The following ELAPOR1 variants were observed in gnomAD, a reference collection of about 807,000 sequenced individuals.
ELAPOR1 encodes endosome/lysosome-associated apoptosis and autophagy regulator 1.
A neutral mutation model predicts 119.7 loss-of-function variants in ELAPOR1; 77 were observed. That is an observed-to-expected ratio of 0.64 (90% confidence interval 0.54 to 0.78). The LOEUF (loss-of-function observed/expected upper bound fraction) is 0.78, where lower values mean the gene tolerates loss of function less well. Among genes scored for constraint, ELAPOR1 ranks in the 30% least tolerant of loss-of-function variants. The pLI is 0.00. For missense variants in ELAPOR1, 1,115 were observed against 1,270.4 expected (o/e 0.88, Z 1.86); for synonymous variants, 481 against 487.2 (o/e 0.99, Z 0.17).
intron 7 of ELAPOR1, among the ~76,000 whole-genome samples, chr1:109,177,281 ACGC>A (rs1652382131): frequency 7.1e-6 from 1 of 141,640 alleles, no homozygotes; most frequent in Non-Finnish European, 1.5e-5. Flanking sequence ...CCGGGCAGAG[ACGC>A]TCCTCACTTC....
At chr1:109,127,588 G>C (rs1648871797) in intron 1 of ELAPOR1, among the ~76,000 whole-genome samples, 1 of 151,662 alleles carries the variant, frequency 6.6e-6, no homozygotes. Context: ...ATTTTTTTGA[G>C]ACAGCGTCCT....
At chr1:109,196,757 A>G (rs1226256980) in intron 15 of ELAPOR1, among the ~76,000 whole-genome samples, 1 of 150,756 alleles carries the variant, frequency 6.6e-6, no homozygotes, top group East Asian at 1.9e-4. Flanking sequence ...ATCTCTGCTC[A>G]CTGCAACCTC....
At chr1:109,144,053 ATT>A (rs869275387) in intron 1 of ELAPOR1, among the ~76,000 whole-genome samples, 44,981 of 88,992 alleles carry the variant, frequency 0.51, 11,262 homozygotes, top group South Asian at 0.58. Context: ...ATATATATAT[ATT>A]TATATATTTT....
At chr1:109,121,170 G>C (rs1648389645) in intron 1 of ELAPOR1, among the ~76,000 whole-genome samples, 1 of 152,006 alleles carries the variant, frequency 6.6e-6, no homozygotes, top group East Asian at 1.9e-4. Flanking sequence ...TTTTGAGATG[G>C]AGTTTCCTTC....
In ELAPOR1 at chr1:109,114,298, AC is replaced by A. The variant is rs1326163043; in HGVS notation, c.118del (p.Gln40ArgfsTer64). ...LLWAGTAFQV[T>X]QGTGPELHAC... ...CTGGGCTGGGACCGCCTTCCAGGTG[AC>A]CCAGGGAACGGGACCGGAGCTTCAT... On this transcript the variant is annotated frameshift_variant, in exon 1 of 22. Coordinates refer to ENST00000369939, the MANE Select transcript of ELAPOR1 (RefSeq NM_020775.5). LOFTEE classifies it high-confidence loss of function. 1 of 1,600,770 alleles carries A rather than the reference AC, an allele frequency of 6.2e-7. No individual in the cohort carries two copies. Among genetic ancestry groups the A allele is most frequent in the East Asian group, 2.3e-5 (1 of 44,340 alleles).
chr1:109,144,932 C>A (rs771491744), intron 1 of ELAPOR1, among the ~76,000 whole-genome samples: 2 of 152,016 alleles, frequency 1.3e-5, no homozygotes, highest in Non-Finnish European at 2.9e-5. Flanking sequence ...TAAACAAAAC[C>A]AAACATATAT....
At chr1:109,158,780 T>C (rs568709440) in intron 1 of ELAPOR1, among the ~76,000 whole-genome samples, 42 of 152,144 alleles carry the variant, frequency 2.8e-4, no homozygotes, top group African/African-American at 8.9e-4. Flanking sequence ...GTAAACTGAG[T>C]AACAGATCAC....
chr1:109,187,943 C>G (rs1653157274), intron 8 of ELAPOR1: 2 of 1,280,754 alleles, frequency 1.6e-6, no homozygotes, highest in Non-Finnish European at 2.0e-6. Flanking sequence ...AGAGCTATTC[C>G]TTGTCACCCA....
chr1:109,116,491 C>G (rs541603690), intron 1 of ELAPOR1, among the ~76,000 whole-genome samples: 2 of 152,302 alleles, frequency 1.3e-5, no homozygotes, highest in South Asian at 4.1e-4. Context: ...CAGGCGTCAG[C>G]AAGTCCTGTT....
intron 1 of ELAPOR1, among the ~76,000 whole-genome samples, chr1:109,154,600 T>C (rs1650753641): frequency 6.6e-6 from 1 of 152,330 alleles, no homozygotes; most frequent in South Asian, 2.1e-4. Context: ...TGAGGGGCTT[T>C]CCAGACAGTC....
intron 1 of ELAPOR1, among the ~76,000 whole-genome samples, chr1:109,127,855 C>T (rs1648890045): frequency 6.6e-6 from 1 of 151,384 alleles, no homozygotes; most frequent in South Asian, 2.1e-4. Context: ...TGAGCCACTG[C>T]ACCCGGCCTG....
intron 21 of ELAPOR1, among the ~76,000 whole-genome samples, chr1:109,202,445 A>T (rs562977419): frequency 1.1e-4 from 16 of 145,638 alleles, no homozygotes; most frequent in African/African-American, 3.8e-4. Context: ...AAAGAAAAAA[A>T]TTTTTTTTTT....
At chr1:109,144,061 A>AAT (rs1650015998) in intron 1 of ELAPOR1, among the ~76,000 whole-genome samples, 1 of 89,018 alleles carries the variant, frequency 1.1e-5, no homozygotes, top group Admixed American at 1.3e-4. Context: ...ATATTTATAT[A>AAT]TTTTTTTTTT....
intron 1 of ELAPOR1, among the ~76,000 whole-genome samples, chr1:109,143,438 T>G (rs1030322449): frequency 1.3e-5 from 2 of 152,192 alleles, no homozygotes; most frequent in Non-Finnish European, 2.9e-5. Flanking sequence ...GATTCGTGGT[T>G]GCCAGGAGCT....
chr1:109,144,061 A>ATATATTTTTTTTTTTTTT lies in ELAPOR1; in HGVS notation c.154-17832_154-17831insATATTTTTTTTTTTTTTT. 6.0e-4 allele frequency among the ~76,000 whole-genome samples: 53 copies of ATATATTTTTTTTTTTTTT among 88,980 alleles called. 2 individuals are homozygous for ATATATTTTTTTTTTTTTT. The highest frequency in any genetic ancestry group is 9.5e-4 in the Non-Finnish European group (45 of 47,396). 58.4% of individuals were successfully genotyped at this position (88,980 alleles called of 152,430 possible). On this transcript the variant is annotated intron_variant, in intron 1 of 21. Transcript: ENST00000369939. ...TATATATATATATATATATTTATAT[A>ATATATTTTTTTTTTTTTT]TTTTTTTTTTTTTTTGAGATGGAGT...
Position 109,192,631 on chromosome 1 carries a change from C to T in ELAPOR1, c.1704C>T (p.Asp568=), listed in dbSNP as rs142141161. The T allele has an allele frequency of 1.2e-5, 19 of 1,613,942 alleles. No homozygotes were observed. The highest frequency in any genetic ancestry group is 1.4e-5 in the Non-Finnish European group (16 of 1,180,000). ...TCCAGAGCAGGAAGTACACCAATGA[C>T]GTTGCCAAGATCTACTCCATCAATG... The part of the protein sequence containing the change: ...FHEASRKYTN[D]VAKIYSINVT... The change falls in exon 14 of 22, where the codon GAC becomes GAT. Residue 568 remains aspartate (D), a synonymous_variant. Transcript: ENST00000369939.
Position 109,135,073 on chromosome 1 carries a change from AC to A in ELAPOR1, c.153+20738del, listed in dbSNP as rs1236171771. ...AAAATAATGACCAAGCTAATCTTTA[AC>A]TCCACACCTACTCTTGCCTTTTCCC... On this transcript the variant is annotated intron_variant, in intron 1 of 21. Transcript: ENST00000369939. 4.6e-5 allele frequency among the ~76,000 whole-genome samples: 7 copies of A among 152,052 alleles called. No homozygotes were observed. In the East Asian group the frequency reaches 1.4e-3, roughly 29 times the overall value.
chr1:109,123,148 A>T (rs1648551984), intron 1 of ELAPOR1, among the ~76,000 whole-genome samples: 1 of 152,180 alleles, frequency 6.6e-6, no homozygotes, highest in Admixed American at 6.5e-5. Flanking sequence ...CTTCACCCAG[A>T]GGTCTGACAT....
At chr1:109,156,848 G>A (rs574830732) in intron 1 of ELAPOR1, among the ~76,000 whole-genome samples, 1 of 152,244 alleles carries the variant, frequency 6.6e-6, no homozygotes, top group South Asian at 2.1e-4. Flanking sequence ...TGTGGGTCAT[G>A]TGTCCATCCA....
Sources: allele counts gnomAD v4.1 joint callset (sites outside exome capture counted in the v4.1 genomes callset), GRCh38; gene constraint gnomAD v4.1.1; transcripts MANE v1.5; gene names NCBI Gene and HGNC (gene_info 2026-07-23, HGNC 2026-07-21).